Variants in CMSS1 observed in about 807,000 individuals in gnomAD.
CMSS1 encodes cms1 ribosomal small subunit homolog, also known as protein CMSS1.
In CMSS1, 33 loss-of-function variants were observed where a neutral mutation model predicts 43.5. The ratio of observed to expected loss-of-function variants is 0.76; its 90% CI spans 0.57 to 1.01. The LOEUF (loss-of-function observed/expected upper bound fraction) is 1.01, where lower values mean the gene tolerates loss of function less well. Among genes scored for constraint, CMSS1 ranks in the 50% least tolerant of loss-of-function variants. The pLI is 0.00. For synonymous variants in CMSS1, 115 were observed against 117.2 expected, an observed-to-expected ratio of 0.98 and a Z score of 0.12; for missense variants, 313 against 326.4, an observed-to-expected ratio of 0.96 and a Z score of 0.32.
chr3:99,913,092 C>T (rs1418171240), intron 1 of CMSS1, among the ~76,000 whole-genome samples: 1 of 152,184 alleles, frequency 6.6e-6, no homozygotes, highest in Non-Finnish European at 1.5e-5. Context: ...AAGGAGACGA[C>T]AGCGGTTTAC....
In CMSS1 at chr3:100,176,416, G is replaced by C; in HGVS notation, c.756+1G>C. ...GAGGAGAATGATGGACATTCCCGAG[G>C]TACCACGTAACCAGCAGTTGCCTTT... On this transcript the variant is annotated splice_donor_variant, in intron 9 of 9. Coordinates refer to ENST00000421999, the MANE Select transcript of CMSS1 (RefSeq NM_032359.4). LOFTEE classifies it high-confidence loss of function. 1 of 1,604,068 alleles carries C rather than the reference G, an allele frequency of 6.2e-7. No individual in the cohort carries two copies. The highest frequency in any genetic ancestry group is 8.5e-7 in the Non-Finnish European group (1 of 1,171,168).
chr3:100,107,957 A>G (rs1024770063), intron 1 of CMSS1, among the ~76,000 whole-genome samples: 3 of 151,630 alleles, frequency 2.0e-5, no homozygotes, highest in African/African-American at 4.8e-5. Context: ...CCTTTCTAAC[A>G]TCGGTCAAGA....
intron 1 of CMSS1, among the ~76,000 whole-genome samples, chr3:100,066,601 G>A (rs1202787602): frequency 1.2e-5 from 1 of 86,080 alleles, no homozygotes; most frequent in East Asian, 3.3e-4. Flanking sequence ...GCGGGATCTC[G>A]GCTCACTGCA....
chr3:99,973,644 A>T (rs1270005797), intron 1 of CMSS1, among the ~76,000 whole-genome samples: 3 of 152,248 alleles, frequency 2.0e-5, no homozygotes, highest in African/African-American at 7.2e-5. Context: ...TAGATTGAGG[A>T]GGAAAACCAC....
intron 1 of CMSS1, among the ~76,000 whole-genome samples, chr3:99,971,466 A>C (rs1481190038): frequency 6.6e-6 from 1 of 152,210 alleles, no homozygotes; most frequent in Non-Finnish European, 1.5e-5. Flanking sequence ...TGTCTGTAGA[A>C]TCTGGGTAGA....
chr3:99,863,129 G>A (rs965621128), intron 1 of CMSS1, among the ~76,000 whole-genome samples: 1 of 152,162 alleles, frequency 6.6e-6, no homozygotes, highest in Non-Finnish European at 1.5e-5. Flanking sequence ...AGAGGGTGGT[G>A]GTGGTGGATG....
rs1576124985 is a variant in CMSS1, at chr3:100,178,589, C to T, written c.*201C>T. On this transcript the variant is annotated 3_prime_UTR_variant, in exon 10 of 10. Coordinates refer to ENST00000421999, the MANE Select transcript of CMSS1 (RefSeq NM_032359.4). ...AACTCTCTTATATAATAAAGTATCA[C>T]CGGCTTGTGTATGATCCTTGTTGAG... 1 of 493,388 alleles carries T rather than the reference C, an allele frequency of 2.0e-6. No individual in the cohort carries two copies. Among genetic ancestry groups the T allele is most frequent in the East Asian group, 3.3e-5 (1 of 30,146 alleles). The allele number at this position is 493,388 out of a possible 1,614,324, so 30.6% of individuals were successfully genotyped here. A position where few individuals can be genotyped will look rare whatever the true frequency, so the allele number is the denominator to read the frequency against.
At chr3:99,828,130 T>C (rs931135519) in intron 1 of CMSS1, among the ~76,000 whole-genome samples, 1 of 152,228 alleles carries the variant, frequency 6.6e-6, no homozygotes, top group Non-Finnish European at 1.5e-5. Flanking sequence ...ATGTTGTTTT[T>C]CCTGTTTTAT....
intron 1 of CMSS1, chr3:99,924,180 C>T (rs371207088): frequency 6.5e-5 from 97 of 1,499,442 alleles, no homozygotes; most frequent in Middle Eastern, 5.2e-4. Context: ...GGTACAGTGG[C>T]CAGCTCATAG....
intron 1 of CMSS1, among the ~76,000 whole-genome samples, chr3:100,076,759 T>C (rs1181449277): frequency 6.6e-6 from 1 of 152,252 alleles, no homozygotes; most frequent in African/African-American, 2.4e-5. Context: ...AACTTATTAA[T>C]GTAACGTCTT....
intron 1 of CMSS1, among the ~76,000 whole-genome samples, chr3:100,087,167 C>T (rs994741698): frequency 9.2e-5 from 14 of 152,294 alleles, no homozygotes; most frequent in Non-Finnish European, 8.8e-5. Flanking sequence ...TTAATGTTCA[C>T]GTACAGGTTT....
intron 1 of CMSS1, chr3:100,010,080 G>A (rs982322160): frequency 2.0e-5 from 10 of 512,244 alleles, no homozygotes; most frequent in Non-Finnish European, 2.5e-5. Flanking sequence ...ATTGAGGGTT[G>A]AGTACCATAC....
intron 1 of CMSS1, among the ~76,000 whole-genome samples, chr3:99,900,117 C>T (rs1706388384): frequency 6.6e-6 from 1 of 152,074 alleles, no homozygotes; most frequent in Non-Finnish European, 1.5e-5. Context: ...AGCAGGTATT[C>T]AGTAAATATG....
chr3:99,865,975 T>C (rs1576528441), intron 1 of CMSS1, among the ~76,000 whole-genome samples: 1 of 152,194 alleles, frequency 6.6e-6, no homozygotes, highest in East Asian at 1.9e-4. Flanking sequence ...TCTTCCCAGG[T>C]CACAGGTTAT....
At chr3:99,993,391 G>A (rs1338422932) in intron 1 of CMSS1, among the ~76,000 whole-genome samples, 1 of 151,986 alleles carries the variant, frequency 6.6e-6, no homozygotes, top group Non-Finnish European at 1.5e-5. Flanking sequence ...AGTCTTCAGG[G>A]TTTTCTAGAT....
At chr3:99,998,386 A>C (rs1358429036) in intron 1 of CMSS1, among the ~76,000 whole-genome samples, 1 of 152,210 alleles carries the variant, frequency 6.6e-6, no homozygotes, top group Non-Finnish European at 1.5e-5. Flanking sequence ...GCATGTGTTT[A>C]AATGTTTGTA....
At chr3:100,014,887 C>CTTTTTTTTTTTTTTTTTTTTTTTTTTTTT (rs1559725867) in intron 1 of CMSS1, among the ~76,000 whole-genome samples, 2 of 32,460 alleles carry the variant, frequency 6.2e-5, no homozygotes, top group Non-Finnish European at 1.2e-4. Flanking sequence ...TTTTTTTTTT[C>CTTTTTTTTTTTTTTTTTTTTTTTTTTTTT]TTTCTTTCTT....
chr3:99,847,394 C>T (rs765648125), intron 1 of CMSS1, among the ~76,000 whole-genome samples: 6 of 150,824 alleles, frequency 4.0e-5, no homozygotes, highest in Non-Finnish European at 7.4e-5. Context: ...GTTTATGTCA[C>T]AGTGGCTGGT....
At chr3:99,908,000 C>T (rs563170498) in intron 1 of CMSS1, among the ~76,000 whole-genome samples, 19 of 152,330 alleles carry the variant, frequency 1.2e-4, no homozygotes, top group African/African-American at 3.8e-4. Flanking sequence ...GGTACTGAAA[C>T]TGTGTATTGA....
Sources: allele counts gnomAD v4.1 joint callset (sites outside exome capture counted in the v4.1 genomes callset), GRCh38; gene constraint gnomAD v4.1.1; transcripts MANE v1.5; gene names NCBI Gene and HGNC (gene_info 2026-07-23, HGNC 2026-07-21).